Variants in ABTB3 observed in about 807,000 individuals in gnomAD.
ABTB3 encodes ankyrin repeat and BTB domain containing 3, also known as ankyrin repeat- and BTB/POZ domain-containing protein 3.
At chr12:107,350,572 C>T in the ABTB3 span, among the ~76,000 whole-genome samples, 3 of 151,920 alleles carry the variant, frequency 2.0e-5, no homozygotes, top group Non-Finnish European at 4.4e-5. Context: ...TATTATTCTG[C>T]TTCCCCAGAG....
chr12:107,657,821 G>C, the ABTB3 span: 1 of 1,231,598 alleles, frequency 8.1e-7, no homozygotes, highest in Non-Finnish European at 1.2e-6. Flanking sequence ...GTTTTTGGCT[G>C]GGCCAAGGAG....
chr12:107,493,050 G>A, the ABTB3 span, among the ~76,000 whole-genome samples: 4 of 150,562 alleles, frequency 2.7e-5, no homozygotes, highest in Non-Finnish European at 1.5e-5. Flanking sequence ...AGAGCAGAAC[G>A]AAGCTTCCCC....
the ABTB3 span, among the ~76,000 whole-genome samples, chr12:107,642,565 T>G: frequency 1.0e-3 from 156 of 152,162 alleles, no homozygotes; most frequent in African/African-American, 3.6e-3. Flanking sequence ...TTGGATGAGG[T>G]CTTATGAGCT....
chr12:107,602,470 A>T, the ABTB3 span, among the ~76,000 whole-genome samples: 2 of 152,246 alleles, frequency 1.3e-5, no homozygotes, highest in African/African-American at 4.8e-5. Flanking sequence ...ACTTAATGAG[A>T]GCTGTATGCT....
chr12:107,529,459 G>A, the ABTB3 span, among the ~76,000 whole-genome samples: 2 of 152,140 alleles, frequency 1.3e-5, no homozygotes, highest in African/African-American at 4.8e-5. Flanking sequence ...TGATGGTGAT[G>A]GGGATGGTGA....
chr12:107,551,459 G>A, the ABTB3 span, among the ~76,000 whole-genome samples: 5 of 152,208 alleles, frequency 3.3e-5, no homozygotes, highest in African/African-American at 9.6e-5. Context: ...AAAAACTGCT[G>A]TAGCTCCACT....
the ABTB3 span, among the ~76,000 whole-genome samples, chr12:107,573,768 C>T: frequency 2.0e-5 from 3 of 152,194 alleles, no homozygotes; most frequent in African/African-American, 7.2e-5. Flanking sequence ...AGAATTCTCT[C>T]TTCTGGGAAA....
At chr12:107,532,061 C>T in the ABTB3 span, among the ~76,000 whole-genome samples, 2 of 152,200 alleles carry the variant, frequency 1.3e-5, no homozygotes, top group African/African-American at 4.8e-5. Context: ...TGCCCCAGGG[C>T]CACCACCAAT....
At chr12:107,415,510 C>T in the ABTB3 span, among the ~76,000 whole-genome samples, 4 of 151,896 alleles carry the variant, frequency 2.6e-5, no homozygotes, top group African/African-American at 9.7e-5. Context: ...AGATCGAGAC[C>T]ATCCTGGCTA....
chr12:107,494,793 G>T, the ABTB3 span, among the ~76,000 whole-genome samples: 1 of 152,130 alleles, frequency 6.6e-6, no homozygotes, highest in Non-Finnish European at 1.5e-5. Context: ...AGGGCTCTGC[G>T]CTGCAGCCGC....
the ABTB3 span, among the ~76,000 whole-genome samples, chr12:107,613,329 C>G: frequency 6.6e-6 from 1 of 152,160 alleles, no homozygotes; most frequent in African/African-American, 2.4e-5. Flanking sequence ...TCCACGCTCC[C>G]CCTCCAAACC....
the ABTB3 span, among the ~76,000 whole-genome samples, chr12:107,608,956 T>TAAAATAAAATAA: frequency 1.1e-4 from 7 of 66,308 alleles, no homozygotes; most frequent in African/African-American, 4.7e-4. Context: ...TAAAATAAAA[T>TAAAATAAAATAA]ATAAAATAAA....
chr12:107,471,804 T>C, the ABTB3 span, among the ~76,000 whole-genome samples: 2 of 152,128 alleles, frequency 1.3e-5, no homozygotes, highest in African/African-American at 4.8e-5. Context: ...TCTGCCCCCG[T>C]GCCTAGAGTT....
chr12:107,486,227 C>T, the ABTB3 span, among the ~76,000 whole-genome samples: 1 of 152,066 alleles, frequency 6.6e-6, no homozygotes, highest in African/African-American at 2.4e-5. Flanking sequence ...TTCTTTGAGC[C>T]CCATTAATCT....
the ABTB3 span, among the ~76,000 whole-genome samples, chr12:107,529,307 GATGATGGAGATGATGGTGATGGCGATA>G: frequency 1.3e-5 from 2 of 151,040 alleles, no homozygotes; most frequent in African/African-American, 2.4e-5. Context: ...TGGTGATGAT[GATGATGGAGATGATGGTGATGGCGATA>G]ATGATGGAGA....
At chr12:107,432,852 A>G in the ABTB3 span, among the ~76,000 whole-genome samples, 3 of 152,138 alleles carry the variant, frequency 2.0e-5, no homozygotes, top group Admixed American at 6.5e-5. Context: ...GCACGTTTCA[A>G]TTTGAGACCT....
the ABTB3 span, chr12:107,658,064 C>A: frequency 9.3e-6 from 3 of 320,880 alleles, 1 homozygote; most frequent in South Asian, 1.2e-4. Flanking sequence ...GAGGACTTCA[C>A]CGTACCAACC....
At chr12:107,413,016 T>A in the ABTB3 span, among the ~76,000 whole-genome samples, 1 of 152,146 alleles carries the variant, frequency 6.6e-6, no homozygotes, top group South Asian at 2.1e-4. Context: ...GGCTCACGCC[T>A]GTAATCCCAG....
At chr12:107,439,194 C>T in the ABTB3 span, among the ~76,000 whole-genome samples, 1 of 151,500 alleles carries the variant, frequency 6.6e-6, no homozygotes, top group Non-Finnish European at 1.5e-5. Context: ...CAGTTGTCTG[C>T]TTTTTTTTTC....
Sources: gnomAD v4.1 joint callset for allele counts (sites outside exome capture counted in the v4.1 genomes callset) on GRCh38, gnomAD v4.1.1 for gene constraint, MANE v1.5 for transcripts, NCBI Gene and HGNC (gene_info 2026-07-23, HGNC 2026-07-21) for gene names.